AUTS2: variants seen among roughly 807,000 people sequenced by gnomAD.
The protein encoded by AUTS2 is activator of transcription and developmental regulator AUTS2.
AUTS2 carries 17 observed loss-of-function variants against 112.4 expected under a neutral mutation model. The observed-to-expected ratio is 0.15, with a 90% confidence interval of 0.10 to 0.23. The LOEUF is 0.23. Among genes scored for constraint, AUTS2 ranks in the 10% least tolerant of loss-of-function variants. AUTS2 has a pLI of 1.00. For synonymous variants in AUTS2, 751 were observed against 702.7 expected (o/e 1.07, Z -1.09); for missense variants, 1,510 against 1,701.6 (o/e 0.89, Z 1.98).
chr7:70,580,538 G>A (rs747382528), intron 5 of AUTS2, among the ~76,000 whole-genome samples: 1 of 152,176 alleles, frequency 6.6e-6, no homozygotes, highest in Non-Finnish European at 1.5e-5. Context: ...TCAGCCTCAG[G>A]ATACAAGCCC....
rs563885263 is a variant in AUTS2, at chr7:70,605,849, G to A, written c.691-92720G>A. Among the ~76,000 whole-genome samples the A allele has an allele frequency of 6.4e-4, 97 of 152,306 alleles. 1 individual carries two copies. Among genetic ancestry groups the A allele is most frequent in the African/African-American group, 2.2e-3 (90 of 41,566 alleles). ...TGGGGATTTTATTAGAAAGAGAAAT[G>A]TTATGTATTGTTTTGAAAGAAGGCT... On this transcript the variant is annotated intron_variant, in intron 5 of 18. Coordinates refer to ENST00000342771, the MANE Select transcript of AUTS2 (RefSeq NM_015570.4).
chr7:69,716,240 G>T (rs1562832037), intron 1 of AUTS2, among the ~76,000 whole-genome samples: 1 of 151,878 alleles, frequency 6.6e-6, no homozygotes, highest in Non-Finnish European at 1.5e-5. Flanking sequence ...TTGTGTGTGT[G>T]TGTCTGTGTG....
rs369594155 is a variant in AUTS2 at position 70,641,065 on chromosome 7, C to G, written c.691-57504C>G. On this transcript the variant is annotated intron_variant, in intron 5 of 18. Coordinates refer to ENST00000342771, the MANE Select transcript of AUTS2 (RefSeq NM_015570.4). ...ATCCCTCACCCAGCTTCCAGCCACA[C>G]TAGTCCACCCGGCTCCAGCCATGCT... 4.7e-4 allele frequency among the ~76,000 whole-genome samples: 72 copies of G among 152,338 alleles called. No individual in the cohort carries two copies. In the South Asian group the frequency reaches 0.013, roughly 28 times the overall value.
intron 2 of AUTS2, among the ~76,000 whole-genome samples, chr7:69,931,931 A>G (rs1483830502): frequency 1.3e-5 from 2 of 152,174 alleles, no homozygotes; most frequent in Non-Finnish European, 2.9e-5. Context: ...TTGTCTTTTC[A>G]TTGATAAAAC....
At chr7:69,972,623 A>G (rs1043286717) in intron 2 of AUTS2, among the ~76,000 whole-genome samples, 1 of 151,854 alleles carries the variant, frequency 6.6e-6, no homozygotes, top group African/African-American at 2.4e-5. Flanking sequence ...AATTTTTTAT[A>G]AGATATGAAA....
intron 4 of AUTS2, among the ~76,000 whole-genome samples, chr7:70,186,238 A>C (rs1584851807): frequency 6.6e-6 from 1 of 152,180 alleles, no homozygotes; most frequent in South Asian, 2.1e-4. Context: ...AAAACTTGAC[A>C]CAAACTGGCT....
At chr7:69,750,799 C>T (rs1044194624) in intron 1 of AUTS2, among the ~76,000 whole-genome samples, 1 of 152,018 alleles carries the variant, frequency 6.6e-6, no homozygotes, top group South Asian at 2.1e-4. Context: ...ATTTCACAGA[C>T]TAGGGAGGAC....
chr7:69,687,076 A>T (rs1797094360), intron 1 of AUTS2, among the ~76,000 whole-genome samples: 1 of 152,210 alleles, frequency 6.6e-6, no homozygotes, highest in Non-Finnish European at 1.5e-5. Context: ...CTTCTTTAGC[A>T]GTGGGGATTT....
chr7:70,209,140 A>G (rs1250701968), intron 4 of AUTS2, among the ~76,000 whole-genome samples: 1 of 152,176 alleles, frequency 6.6e-6, no homozygotes, highest in East Asian at 1.9e-4. Context: ...TAGCAGTGAA[A>G]TGTAAAGTGG....
At chr7:69,844,194 G>A (rs751802013) in intron 1 of AUTS2, among the ~76,000 whole-genome samples, 2 of 152,112 alleles carry the variant, frequency 1.3e-5, no homozygotes, top group Non-Finnish European at 2.9e-5. Flanking sequence ...AGAAACCCCA[G>A]TTAATGTTAG....
chr7:70,521,683 T>A (rs1799654105), intron 5 of AUTS2, among the ~76,000 whole-genome samples: 1 of 152,218 alleles, frequency 6.6e-6, no homozygotes, highest in Non-Finnish European at 1.5e-5. Flanking sequence ...TGAGAAGTAT[T>A]TGTTGGCACC....
chr7:70,419,757 G>A (rs1328749558), intron 4 of AUTS2, among the ~76,000 whole-genome samples: 2 of 152,142 alleles, frequency 1.3e-5, no homozygotes, highest in Non-Finnish European at 2.9e-5. Context: ...TCTGCCTCAC[G>A]ACAGCCTTGC....
intron 5 of AUTS2, among the ~76,000 whole-genome samples, chr7:70,526,078 C>A (rs1349909184): frequency 6.6e-6 from 1 of 152,222 alleles, no homozygotes; most frequent in African/African-American, 2.4e-5. Flanking sequence ...ACACAATTCT[C>A]GCTGTCTCTC....
At chr7:70,330,840 C>T (rs987543549) in intron 4 of AUTS2, among the ~76,000 whole-genome samples, 1 of 152,138 alleles carries the variant, frequency 6.6e-6, no homozygotes, top group South Asian at 2.1e-4. Flanking sequence ...ATAAGTCTTT[C>T]ACCTTTTTGG....
chr7:69,777,578 C>T (rs536190472), intron 1 of AUTS2, among the ~76,000 whole-genome samples: 8 of 152,154 alleles, frequency 5.3e-5, no homozygotes, highest in Non-Finnish European at 1.2e-4. Flanking sequence ...GGCCTTTGAG[C>T]TCTGATATCT....
At chr7:70,160,707 T>C (rs183075279) in intron 4 of AUTS2, among the ~76,000 whole-genome samples, 418 of 152,328 alleles carry the variant, frequency 2.7e-3, no homozygotes, top group South Asian at 8.1e-3. Context: ...CATGAAGACA[T>C]TTGTGAAAGG....
At chr7:69,712,754 G>A (rs552656761) in intron 1 of AUTS2, among the ~76,000 whole-genome samples, 1 of 152,202 alleles carries the variant, frequency 6.6e-6, no homozygotes, top group South Asian at 2.1e-4. Context: ...GGAATGGCTG[G>A]GTAAATGGGC....
intron 6 of AUTS2, among the ~76,000 whole-genome samples, chr7:70,745,159 A>G (rs1788376350): frequency 6.6e-6 from 1 of 151,990 alleles, no homozygotes; most frequent in South Asian, 2.1e-4. Flanking sequence ...ATTGTATTTC[A>G]CTATCATTAC....
chr7:70,722,168 T>TA (rs1786729607), intron 6 of AUTS2, among the ~76,000 whole-genome samples: 1 of 152,110 alleles, frequency 6.6e-6, no homozygotes, highest in Non-Finnish European at 1.5e-5. Context: ...AATCTTTAAA[T>TA]GACATCAGCA....
Sources: gnomAD v4.1 joint callset for allele counts (sites outside exome capture counted in the v4.1 genomes callset) on GRCh38, gnomAD v4.1.1 for gene constraint, MANE v1.5 for transcripts, NCBI Gene and HGNC (gene_info 2026-07-23, HGNC 2026-07-21) for gene names.